GREB1L: variants seen among roughly 807,000 people sequenced by gnomAD.
GREB1L encodes GREB1 like retinoic acid receptor coactivator, also known as GREB1-like protein.
Under a neutral mutation model 200.8 loss-of-function variants are expected in GREB1L, and 17 were observed. The observed-to-expected ratio is 0.08, with a 90% CI of 0.06 to 0.13. The LOEUF is 0.13. GREB1L is among the 10% of genes least tolerant of loss of function. GREB1L has a pLI of 1.00. For missense variants in GREB1L, 1,657 were observed against 2,367.7 expected (o/e 0.70, Z 6.23); for synonymous variants, 789 against 893.0 (o/e 0.88, Z 2.08).
intron 20 of GREB1L, among the ~76,000 whole-genome samples, chr18:21,496,175 G>C (rs2036537735): frequency 6.6e-6 from 1 of 152,168 alleles, no homozygotes; most frequent in Non-Finnish European, 1.5e-5. Flanking sequence ...TACTGTGCGT[G>C]TCAGGCAGTG....
At chr18:21,448,331 A>G (rs986384950) in intron 11 of GREB1L, among the ~76,000 whole-genome samples, 15 of 152,192 alleles carry the variant, frequency 9.9e-5, no homozygotes, top group African/African-American at 3.6e-4. Flanking sequence ...GTTTTCTCCA[A>G]TTAAAATTGT....
intron 1 of GREB1L, among the ~76,000 whole-genome samples, chr18:21,302,847 G>A (rs1312669618): frequency 2.0e-5 from 3 of 152,060 alleles, no homozygotes; most frequent in Non-Finnish European, 2.9e-5. Flanking sequence ...TCAGCCTCAC[G>A]AGTAGCTGGG....
In GREB1L at chr18:21,522,787, A is replaced by G. The variant is rs1416210695; in HGVS notation, c.5738A>G (p.Lys1913Arg). Residue 1913 changes from lysine to arginine, a missense_variant, in exon 33 of 33, where the codon AAG becomes AGG. By Grantham distance (26) the Lys-to-Arg change is conservative. Transcript: ENST00000424526. ...CAAACTGCTAACAGCAGTGATGACA[A>G]GCCTCTCTACTTTCTTACTGGACGT... ...EFQTANSSDD[K>R]PLYFLTGRHV 2 of 1,551,650 alleles carry G rather than the reference A, an allele frequency of 1.3e-6. No homozygotes were observed. The highest frequency in any genetic ancestry group is 1.7e-6 in the Non-Finnish European group (2 of 1,146,958).
chr18:21,243,226 A>G (rs573855502), intron 1 of GREB1L, among the ~76,000 whole-genome samples: 2 of 152,192 alleles, frequency 1.3e-5, no homozygotes, highest in Non-Finnish European at 2.9e-5. Context: ...CATTAAGAGG[A>G]AACTCCATGT....
chr18:21,485,591 T>C (rs777415083), intron 17 of GREB1L, 29 bp from the exon 18 acceptor site: 9 of 1,546,574 alleles, frequency 5.8e-6, no homozygotes, highest in African/African-American at 5.5e-5. Context: ...CCTGTCCTCA[T>C]TGGGTTTTTG....
chr18:21,310,051 C>A (rs2144786393), intron 1 of GREB1L, among the ~76,000 whole-genome samples: 1 of 152,292 alleles, frequency 6.6e-6, no homozygotes, highest in East Asian at 1.9e-4. Context: ...CTATAGGTAG[C>A]AGTTGAGCAC....
chr18:21,493,865 CAAAAAAAA>C (rs35758360), intron 19 of GREB1L, among the ~76,000 whole-genome samples: 33 of 38,514 alleles, frequency 8.6e-4, no homozygotes, highest in East Asian at 7.1e-3. Flanking sequence ...GACCCTGTCT[CAAAAAAAA>C]AAAAAAAAAA....
At chr18:21,303,088 C>T (rs1437840246) in intron 1 of GREB1L, among the ~76,000 whole-genome samples, 2 of 152,148 alleles carry the variant, frequency 1.3e-5, no homozygotes, top group Admixed American at 6.5e-5. Flanking sequence ...AAATCCTGAC[C>T]TCGGATGATC....
intron 1 of GREB1L, among the ~76,000 whole-genome samples, chr18:21,345,539 T>G (rs2039332178): frequency 6.6e-6 from 1 of 152,202 alleles, no homozygotes; most frequent in South Asian, 2.1e-4. Context: ...TATTAAACTT[T>G]CTAAGACTGG....
chr18:21,500,252 C>G lies in GREB1L; in HGVS notation c.3915C>G (p.Ala1305=). The G allele has an allele frequency of 6.7e-7, 1 of 1,501,722 alleles. No individual in the cohort carries two copies. Among genetic ancestry groups the G allele is most frequent in the South Asian group, 1.2e-5 (1 of 83,308 alleles). The allele number at this position is 1,501,722 out of a possible 1,614,324, so 93.0% of individuals were successfully genotyped here. The part of the protein sequence containing the change: ...HADYSNQLDP[A]SGTRNFHPRR... ...ACTATAGCAACCAGCTGGACCCGGC[C>G]TCTGGCACCCGAAACTTCCACCCCC... The change falls in exon 22 of 33, where the codon GCC becomes GCG. Residue 1305 remains alanine (A), a synonymous_variant. Transcript: ENST00000424526.
At chr18:21,402,099 T>G (rs2041340576) in intron 6 of GREB1L, among the ~76,000 whole-genome samples, 1 of 152,212 alleles carries the variant, frequency 6.6e-6, no homozygotes, top group Non-Finnish European at 1.5e-5. Flanking sequence ...CATTATATAG[T>G]TCTTTAGGAA....
chr18:21,426,973 C>CAAAA (rs56776768), intron 7 of GREB1L, among the ~76,000 whole-genome samples: 11 of 83,780 alleles, frequency 1.3e-4, no homozygotes, highest in African/African-American at 3.5e-4. Flanking sequence ...AAAAAAAAAA[C>CAAAA]AAAAAAAAAA....
chr18:21,495,686 A>G lies in GREB1L; in HGVS notation c.3047A>G (p.Glu1016Gly), dbSNP rs184919282. 1.3e-6 allele frequency: 2 copies of G among 1,524,290 alleles called. No individual in the cohort carries two copies. Among genetic ancestry groups the G allele is most frequent in the African/African-American group, 2.8e-5 (2 of 72,362 alleles). 94.4% of individuals were successfully genotyped at this position (1,524,290 alleles called of 1,614,324 possible). A position where few individuals can be genotyped will look rare whatever the true frequency, so the allele number is the denominator to read the frequency against. The change falls in exon 20 of 33, where the codon GAA (glutamate) becomes GGA (glycine). Residue 1016 changes from glutamate to glycine, a missense_variant. Glu to Gly is a moderately conservative substitution (Grantham distance 98, BLOSUM62 -2). Transcript: ENST00000424526. The part of the protein sequence containing the change: ...VARLKSWRGN[E>G]PEEWIPRTYQ... Reference sequence around the variant, plus strand: ...TTTCTGTAGAGTTGGAGAGGAAATGAACCAGAAGAGTGGATCCCTCGGACA... The same window carrying G: ...TTTCTGTAGAGTTGGAGAGGAAATGGACCAGAAGAGTGGATCCCTCGGACA...
intron 16 of GREB1L, among the ~76,000 whole-genome samples, chr18:21,473,845 T>C (rs1000441635): frequency 6.6e-6 from 1 of 152,108 alleles, no homozygotes; most frequent in Non-Finnish European, 1.5e-5. Flanking sequence ...CTCACAATCA[T>C]GGCATAAGGC....
rs560831222 is a variant in GREB1L, at chr18:21,517,999, CA to C, written c.5272-33del. On this transcript the variant is annotated intron_variant, in intron 30 of 32. Transcript: ENST00000424526. ...CTCACCTGTTTAATCCAGTGACAGACAAGTTTCCCATGATCATCTCGCCTCT... is the reference window on the plus strand; with the variant it reads ...CTCACCTGTTTAATCCAGTGACAGACAGTTTCCCATGATCATCTCGCCTCT... The C allele has an allele frequency of 4.0e-6, 6 of 1,503,364 alleles. No homozygotes were observed. The East Asian group carries it at 1.5e-4, about 37-fold the overall frequency. The allele number at this position is 1,503,364 out of a possible 1,614,324, so 93.1% of individuals were successfully genotyped here. A position where few individuals can be genotyped will look rare whatever the true frequency, so the allele number is the denominator to read the frequency against.
chr18:21,413,572 C>G (rs2031307485), intron 7 of GREB1L, among the ~76,000 whole-genome samples: 1 of 152,086 alleles, frequency 6.6e-6, no homozygotes, highest in Admixed American at 6.5e-5. Flanking sequence ...CGGGGTTTTC[C>G]TTTACACGGT....
chr18:21,284,089 T>G (rs1174962824), intron 1 of GREB1L, among the ~76,000 whole-genome samples: 1 of 152,136 alleles, frequency 6.6e-6, no homozygotes, highest in Non-Finnish European at 1.5e-5. Context: ...GCCACCCCCT[T>G]TGTATGTGTT....
chr18:21,438,894 G>A (rs2033715815), intron 7 of GREB1L, among the ~76,000 whole-genome samples: 1 of 143,276 alleles, frequency 7.0e-6, no homozygotes, highest in Admixed American at 7.4e-5. Context: ...CTGGGAGACG[G>A]AGCTTGCAGT....
chr18:21,484,738 G>A (rs1373675494), intron 17 of GREB1L, among the ~76,000 whole-genome samples: 5 of 152,070 alleles, frequency 3.3e-5, no homozygotes, highest in South Asian at 4.1e-4. Context: ...CAGGAGAATC[G>A]CTTGAAACCG....
Sources: gnomAD v4.1 joint callset for allele counts (sites outside exome capture counted in the v4.1 genomes callset) on GRCh38, gnomAD v4.1.1 for gene constraint, MANE v1.5 for transcripts, NCBI Gene and HGNC (gene_info 2026-07-23, HGNC 2026-07-21) for gene names.